The following SERGEF variants were observed in gnomAD, a reference collection of about 807,000 sequenced individuals.
SERGEF encodes the protein secretion-regulating guanine nucleotide exchange factor.
A neutral mutation model predicts 50.0 loss-of-function variants in SERGEF; 51 were observed. The ratio of observed to expected loss-of-function variants is 1.02; its 90% CI spans 0.81 to 1.29. SERGEF has a LOEUF of 1.29. Among genes scored for constraint, SERGEF ranks in the 50% most tolerant of loss-of-function variants. The pLI is 0.00. For missense variants in SERGEF, 521 were observed against 557.0 expected (o/e 0.94, Z 0.65); for synonymous variants, 205 against 212.4 (o/e 0.97, Z 0.30).
rs74991903 is a variant in SERGEF, at chr11:17,888,898, A to T, written c.1012-10654T>A. ...AAGTAAGAAAGTGATAAAAGAGTAA[A>T]GGAGACGTGTCAAAAGGAAACTAGC... On this transcript the variant is annotated intron_variant, in intron 9 of 10. Transcript: ENST00000265965. The surrounding 1 kb of genome is among the most constrained non-coding windows in gnomAD (Gnocchi z 4.1). Among the ~76,000 whole-genome samples, 3,220 of 152,308 alleles carry T rather than the reference A, an allele frequency of 0.021. 169 individuals carry two copies. Among genetic ancestry groups the T allele is most frequent in the East Asian group, 0.2 (1,056 of 5,184 alleles).
intron 10 of SERGEF, among the ~76,000 whole-genome samples, chr11:17,845,347 C>G (rs1237134838): frequency 2.6e-5 from 4 of 152,174 alleles, no homozygotes; most frequent in Admixed American, 2.6e-4. Context: ...TAAGGAAACA[C>G]AGAAGCAGTG....
At position 17,884,219 on chromosome 11, in the gene SERGEF, CAT is replaced by C. The variant is rs1851388323; in HGVS notation, c.1012-5977_1012-5976del. On this transcript the variant is annotated intron_variant, in intron 9 of 10. Coordinates refer to ENST00000265965, the MANE Select transcript of SERGEF (RefSeq NM_012139.4). The surrounding 1 kb of genome is among the most constrained non-coding windows in gnomAD (Gnocchi z 4.6). ...GCAACGAGGCGTACGTGCGGAAACA[CAT>C]GATGGCCAGGGTGGAAGGGGAGTAA... Among the ~76,000 whole-genome samples the C allele has an allele frequency of 6.6e-6, 1 of 152,224 alleles. No individual in the cohort carries two copies. The highest frequency in any genetic ancestry group is 2.4e-5 in the African/African-American group (1 of 41,454).
In SERGEF at chr11:17,884,172, C is replaced by T. The variant is rs1851386696; in HGVS notation, c.1012-5928G>A. On this transcript the variant is annotated intron_variant, in intron 9 of 10. Coordinates refer to ENST00000265965, the MANE Select transcript of SERGEF (RefSeq NM_012139.4). The surrounding 1 kb of genome is among the most constrained non-coding windows in gnomAD (Gnocchi z 4.6). The stretch of plus-strand genomic sequence containing the variant: ...TGGTTCTCGCCGGGTGCCAATGAGC[C>T]CGGGCGCCTTCAGGTGCTATGGCAA... 6.6e-6 allele frequency among the ~76,000 whole-genome samples: 1 copy of T among 152,192 alleles called. No homozygotes were observed.
chr11:17,831,618 C>T (rs962821567), intron 10 of SERGEF, among the ~76,000 whole-genome samples: 1 of 152,194 alleles, frequency 6.6e-6, no homozygotes, highest in Non-Finnish European at 1.5e-5. Flanking sequence ...AGAGGAACAA[C>T]AACAACAATT....
chr11:18,000,411 T>G, intron 5 of SERGEF, 86 bp downstream of exon 5: 1 of 891,984 alleles, frequency 1.1e-6, no homozygotes, highest in Non-Finnish European at 1.7e-6. Context: ...ATCGAGCCAC[T>G]GCACTCCAGC....
chr11:17,942,209 A>T (rs1207622996), intron 9 of SERGEF, among the ~76,000 whole-genome samples: 1 of 152,174 alleles, frequency 6.6e-6, no homozygotes, highest in Non-Finnish European at 1.5e-5. Flanking sequence ...GGAAGACCTG[A>T]CAAGTTAACA....
intron 10 of SERGEF, among the ~76,000 whole-genome samples, chr11:17,873,290 A>T (rs1332773651): frequency 2.0e-5 from 3 of 152,166 alleles, no homozygotes; most frequent in African/African-American, 7.2e-5. Flanking sequence ...GATGGGATTA[A>T]CCAGAGTACC....
At chr11:17,915,911 G>A (rs574734511) in intron 9 of SERGEF, among the ~76,000 whole-genome samples, 83 of 152,386 alleles carry the variant, frequency 5.4e-4, no homozygotes, top group Middle Eastern at 6.8e-3. Flanking sequence ...CCAGGGAGGA[G>A]CTAAAGAGTC....
At chr11:17,998,518 ATATGTT>A (rs1301265795) in intron 5 of SERGEF, among the ~76,000 whole-genome samples, 10 of 38,784 alleles carry the variant, frequency 2.6e-4, no homozygotes, top group African/African-American at 7.5e-4. Context: ...TTATATATAT[ATATGTT>A]TATATGTGTG....
At chr11:17,794,666 A>G (rs976940608) in intron 10 of SERGEF, among the ~76,000 whole-genome samples, 2 of 152,246 alleles carry the variant, frequency 1.3e-5, no homozygotes, top group African/African-American at 4.8e-5. Flanking sequence ...AAACTTGTGA[A>G]GTGCAATCTA....
At chr11:17,959,101 T>A (rs1590218748) in intron 9 of SERGEF, among the ~76,000 whole-genome samples, 1 of 152,276 alleles carries the variant, frequency 6.6e-6, no homozygotes, top group East Asian at 1.9e-4. Flanking sequence ...ACTCCTGACG[T>A]CAGGCAGTTC....
At chr11:17,900,651 A>T (rs1403846448) in intron 9 of SERGEF, among the ~76,000 whole-genome samples, 1 of 152,164 alleles carries the variant, frequency 6.6e-6, no homozygotes, top group Non-Finnish European at 1.5e-5. Flanking sequence ...GACAATTCTA[A>T]CTGCTTTGCC....
chr11:17,936,900 G>A (rs1454274163), intron 9 of SERGEF, among the ~76,000 whole-genome samples: 2 of 152,156 alleles, frequency 1.3e-5, no homozygotes, highest in South Asian at 2.1e-4. Context: ...TTAAAAGTCT[G>A]TATCTTTTCA....
chr11:17,998,835 A>G (rs957380182), intron 5 of SERGEF, among the ~76,000 whole-genome samples: 1 of 151,324 alleles, frequency 6.6e-6, no homozygotes, highest in East Asian at 1.9e-4. Flanking sequence ...GGCCAGGAAA[A>G]AAAAAAAAAC....
At chr11:17,941,979 GT>G (rs1394837113) in intron 9 of SERGEF, among the ~76,000 whole-genome samples, 1 of 152,028 alleles carries the variant, frequency 6.6e-6, no homozygotes, top group Admixed American at 6.6e-5. Flanking sequence ...AAATTGGGCT[GT>G]TTGGTTTTTG....
At chr11:17,834,926 T>C (rs915144022) in intron 10 of SERGEF, among the ~76,000 whole-genome samples, 1 of 152,220 alleles carries the variant, frequency 6.6e-6, no homozygotes, top group African/African-American at 2.4e-5. Flanking sequence ...CTTGAGAGCA[T>C]AGCCTGTGTG....
chr11:17,873,213 C>A (rs1390478037), intron 10 of SERGEF, among the ~76,000 whole-genome samples: 1 of 152,170 alleles, frequency 6.6e-6, no homozygotes, highest in African/African-American at 2.4e-5. Context: ...CACACAAATT[C>A]TTCCTACTTG....
intron 9 of SERGEF, among the ~76,000 whole-genome samples, chr11:17,915,140 C>T (rs1028578652): frequency 6.7e-6 from 1 of 148,934 alleles, no homozygotes; most frequent in Non-Finnish European, 1.5e-5. Context: ...AGTAGATGCT[C>T]GTTGTATGAA....
At position 17,979,654 on chromosome 11, in the gene SERGEF, C is replaced by T. The variant is rs149803180; in HGVS notation, c.844+8943G>A. 1.0e-2 allele frequency among the ~76,000 whole-genome samples: 1,518 copies of T among 152,300 alleles called. 15 individuals carry two copies. Among genetic ancestry groups the T allele is most frequent in the Middle Eastern group, 0.044 (13 of 294 alleles). ...TTTAGGTTTCTGCACAACATGGGACCTGTCTATTCTTTGTGGACTCAACTG... is the reference window on the plus strand; with the variant it reads ...TTTAGGTTTCTGCACAACATGGGACTTGTCTATTCTTTGTGGACTCAACTG... On this transcript the variant is annotated intron_variant, in intron 8 of 10. Transcript: ENST00000265965.
Sources: allele counts gnomAD v4.1 joint callset (sites outside exome capture counted in the v4.1 genomes callset), GRCh38; gene constraint gnomAD v4.1.1; non-coding constraint Gnocchi (gnomAD v3.1); transcripts MANE v1.5; gene names NCBI Gene and HGNC (gene_info 2026-07-23, HGNC 2026-07-21).